Variants in STIM1 observed in about 807,000 individuals in gnomAD.
STIM1 encodes the protein stromal interaction molecule 1.
Under a neutral mutation model 74.7 loss-of-function variants are expected in STIM1, and 25 were observed. That is an observed-to-expected ratio of 0.33 (90% CI 0.24 to 0.47). The LOEUF is 0.47. Ranked by LOEUF, STIM1 falls within the 20% of genes least tolerant of loss-of-function variation. The pLI is 1.00. For missense variants in STIM1, 728 were observed against 920.8 expected (o/e 0.79, Z 2.71); for synonymous variants, 328 against 348.8 (o/e 0.94, Z 0.66).
Position 4,059,222 on chromosome 11 carries a change from C to A in STIM1, c.498-59C>A, listed in dbSNP as rs576054200. ...TTCCTGGGGGAGGCGGGTAATCCTA[C>A]CAGGATCCTTCCTGGCTTTACTGGG... On this transcript the variant is annotated intron_variant, in intron 4 of 12. Transcript: ENST00000526596. The A allele has an allele frequency of 8.2e-6, 12 of 1,462,462 alleles. No individual in the cohort carries two copies. The African/African-American group carries it at 1.5e-4, about 19-fold the overall frequency. The allele number at this position is 1,462,462 out of a possible 1,614,324, so 90.6% of individuals were successfully genotyped here.
chr11:3,857,699 C>G (rs1488693768), intron 1 of STIM1, among the ~76,000 whole-genome samples: 4 of 152,108 alleles, frequency 2.6e-5, no homozygotes, highest in Admixed American at 1.3e-4. Context: ...GAGGGAATGG[C>G]TCAGTGGGCA....
At chr11:3,975,617 C>CA (rs1203501826) in intron 2 of STIM1, among the ~76,000 whole-genome samples, 7 of 146,226 alleles carry the variant, frequency 4.8e-5, no homozygotes, top group Admixed American at 2.8e-4. Context: ...GACTCTGCCT[C>CA]AAAAAAAAGA....
chr11:4,065,296 T>G (rs565371709), intron 5 of STIM1, among the ~76,000 whole-genome samples: 14 of 152,258 alleles, frequency 9.2e-5, no homozygotes, highest in African/African-American at 3.4e-4. Context: ...CAGGAGTGGT[T>G]GCTTTTCTGG....
chr11:4,030,707 T>C (rs530939913), intron 3 of STIM1, among the ~76,000 whole-genome samples: 2 of 152,362 alleles, frequency 1.3e-5, no homozygotes, highest in Admixed American at 1.3e-4. Flanking sequence ...CATGTAGTGA[T>C]TTAACTTTTA....
chr11:4,010,859 T>G (rs1305827400), intron 2 of STIM1, among the ~76,000 whole-genome samples: 1 of 152,164 alleles, frequency 6.6e-6, no homozygotes, highest in Non-Finnish European at 1.5e-5. Flanking sequence ...TCTAATGCTA[T>G]CCCTCCCCCA....
rs548180421 is a variant in STIM1, at chr11:3,934,226, T to C, written c.140-33326T>C. Among the ~76,000 whole-genome samples, 26 of 152,306 alleles carry C rather than the reference T, an allele frequency of 1.7e-4. No individual in the cohort carries two copies. The East Asian group carries it at 4.6e-3, about 27-fold the overall frequency. On this transcript the variant is annotated intron_variant, in intron 1 of 12. Coordinates refer to ENST00000526596, the MANE Select transcript of STIM1 (RefSeq NM_001382567.1). ...TCAATAGCTTTTCAGCACTCTTTTT[T>C]TTTTTCCTCCTCTTTTCTTCTGGAG...
At chr11:3,864,281 T>G (rs4414209) in intron 1 of STIM1, among the ~76,000 whole-genome samples, 41,377 of 152,136 alleles carry the variant, frequency 0.27, 6,363 homozygotes, top group South Asian at 0.42. Context: ...TAACAAATTA[T>G]GCCAAAACAG....
chr11:3,883,103 C>G (rs1261795256), intron 1 of STIM1, among the ~76,000 whole-genome samples: 1 of 151,914 alleles, frequency 6.6e-6, no homozygotes, highest in African/African-American at 2.4e-5. Context: ...GCAAACCTTT[C>G]TTGACTTAAA....
In STIM1 at chr11:3,864,433, G is replaced by T. The variant is rs140101599; in HGVS notation, c.139+8024G>T. ...TTGGCTGGGGCTGAAGACTCTATTT[G>T]GGGGGAGAGTGTTTGCTTTTAAGCT... On this transcript the variant is annotated intron_variant, in intron 1 of 12. Coordinates refer to ENST00000526596, the MANE Select transcript of STIM1 (RefSeq NM_001382567.1). Among the ~76,000 whole-genome samples, 331 of 152,228 alleles carry T rather than the reference G, an allele frequency of 2.2e-3. 1 individual carries two copies. The highest frequency in any genetic ancestry group is 3.6e-3 in the Non-Finnish European group (245 of 68,006).
chr11:3,941,653 C>CAT (rs56890594), intron 1 of STIM1, among the ~76,000 whole-genome samples: 3,767 of 122,530 alleles, frequency 0.031, 127 homozygotes, highest in African/African-American at 0.082. Context: ...TGTGTGTATA[C>CAT]ATATATATAT....
intron 1 of STIM1, among the ~76,000 whole-genome samples, chr11:3,951,001 A>T (rs1176290618): frequency 6.6e-6 from 1 of 152,252 alleles, no homozygotes; most frequent in Non-Finnish European, 1.5e-5. Flanking sequence ...GAACAGAGAC[A>T]GGGCGAATAG....
intron 2 of STIM1, among the ~76,000 whole-genome samples, chr11:3,992,957 A>G (rs1417473180): frequency 6.6e-6 from 1 of 152,204 alleles, no homozygotes; most frequent in Non-Finnish European, 1.5e-5. Context: ...TATCCAAAAT[A>G]GAATCATTTC....
chr11:4,053,523 T>G (rs1356976163), intron 3 of STIM1, among the ~76,000 whole-genome samples: 2 of 151,528 alleles, frequency 1.3e-5, no homozygotes, highest in African/African-American at 4.9e-5. Context: ...TAGGTGGGAA[T>G]TGAACAGTGA....
At chr11:4,045,762 C>CTTTTTTTTTTTTT (rs35939527) in intron 3 of STIM1, among the ~76,000 whole-genome samples, 6 of 104,510 alleles carry the variant, frequency 5.7e-5, no homozygotes, top group African/African-American at 1.4e-4. Context: ...CTCAACACTT[C>CTTTTTTTTTTTTT]TTTTTTTTTT....
intron 1 of STIM1, among the ~76,000 whole-genome samples, chr11:3,914,012 G>A (rs2092605330): frequency 6.6e-6 from 1 of 151,868 alleles, no homozygotes; most frequent in Non-Finnish European, 1.5e-5. Context: ...TCATTGATAA[G>A]TATACAATTT....
intron 6 of STIM1, 123 bp downstream of exon 6, chr11:4,070,326 T>A: frequency 1.8e-6 from 2 of 1,134,424 alleles, no homozygotes; most frequent in Non-Finnish European, 2.6e-6. Flanking sequence ...GGCTGCATCA[T>A]CCTTCCAAAA....
At chr11:3,936,480 C>T (rs925854100) in intron 1 of STIM1, among the ~76,000 whole-genome samples, 6 of 152,184 alleles carry the variant, frequency 3.9e-5, no homozygotes, top group Non-Finnish European at 7.3e-5. Context: ...GGCAGAACAA[C>T]GTGCCTTTTG....
At chr11:4,000,275 C>A (rs1475697858) in intron 2 of STIM1, among the ~76,000 whole-genome samples, 1 of 133,280 alleles carries the variant, frequency 7.5e-6, no homozygotes, top group Non-Finnish European at 1.6e-5. Context: ...AATGGGCAGA[C>A]TGCCTCCTCA....
intron 1 of STIM1, among the ~76,000 whole-genome samples, chr11:3,920,226 G>C (rs1385831949): frequency 1.3e-5 from 2 of 151,916 alleles, no homozygotes; most frequent in Admixed American, 6.6e-5. Context: ...CTCCTAAAGT[G>C]CTGTGATTAC....
Sources: gnomAD v4.1 joint callset for allele counts (sites outside exome capture counted in the v4.1 genomes callset) on GRCh38, gnomAD v4.1.1 for gene constraint, MANE v1.5 for transcripts, NCBI Gene and HGNC (gene_info 2026-07-23, HGNC 2026-07-21) for gene names.